The following GNG2 variants were observed in gnomAD, a reference collection of about 807,000 sequenced individuals.
GNG2 encodes the protein guanine nucleotide-binding protein G(I)/G(S)/G(O) subunit gamma-2.
A neutral mutation model predicts 5.5 loss-of-function variants in GNG2; 5 were observed. That is an observed-to-expected ratio of 0.91 (90% confidence interval 0.48 to 1.92). The LOEUF is 1.92. Ranked by LOEUF, GNG2 falls within the 30% of genes most tolerant of loss-of-function variation. GNG2 has a pLI of 0.01. For synonymous variants in GNG2, 28 were observed against 32.0 expected, an observed-to-expected ratio of 0.88 and a Z score of 0.42; for missense variants, 55 against 88.4, an observed-to-expected ratio of 0.62 and a Z score of 1.52.
intron 2 of GNG2, among the ~76,000 whole-genome samples, chr14:51,830,708 C>T (rs1165471454): frequency 1.3e-5 from 2 of 152,192 alleles, no homozygotes; most frequent in Non-Finnish European, 2.9e-5. Context: ...GACTGTGGTC[C>T]AAGCTGCCAA....
chr14:51,867,006 A>G (rs1386603631), intron 1 of GNG2, among the ~76,000 whole-genome samples: 1 of 152,204 alleles, frequency 6.6e-6, no homozygotes, highest in Non-Finnish European at 1.5e-5. Flanking sequence ...TTTCCTACAT[A>G]TTTAGTTTCT....
chr14:51,857,243 T>G (rs1243489343), upstream of GNG2, among the ~76,000 whole-genome samples: 1 of 152,120 alleles, frequency 6.6e-6, no homozygotes. Flanking sequence ...AGCTGAGTCC[T>G]AAAGGATAAG....
intron 2 of GNG2, among the ~76,000 whole-genome samples, chr14:51,947,474 C>T (rs900289083): frequency 2.6e-5 from 4 of 151,986 alleles, no homozygotes; most frequent in African/African-American, 9.7e-5. Context: ...ATGAGAAGGG[C>T]TCCACTCACC....
chr14:51,899,641 C>A (rs1221707282), intron 2 of GNG2, among the ~76,000 whole-genome samples: 1 of 152,166 alleles, frequency 6.6e-6, no homozygotes, highest in Non-Finnish European at 1.5e-5. Context: ...TAAAACCTGA[C>A]ACTCTGTTTT....
intron 2 of GNG2, among the ~76,000 whole-genome samples, chr14:51,884,418 T>C (rs1350336560): frequency 1.3e-5 from 2 of 152,192 alleles, no homozygotes; most frequent in Non-Finnish European, 1.5e-5. Flanking sequence ...CTTTATCCTT[T>C]AGATGACCCT....
chr14:51,946,924 C>G (rs1169048853), intron 2 of GNG2, among the ~76,000 whole-genome samples: 1 of 151,968 alleles, frequency 6.6e-6, no homozygotes, highest in Non-Finnish European at 1.5e-5. Flanking sequence ...TACGAGAAAT[C>G]AGCTGGATGT....
intron 2 of GNG2, among the ~76,000 whole-genome samples, chr14:51,930,437 G>A (rs768780652): frequency 2.0e-5 from 3 of 152,170 alleles, no homozygotes; most frequent in Non-Finnish European, 4.4e-5. Context: ...TTGTTTCCTA[G>A]GGTTTCTTAG....
At chr14:51,831,326 T>C (rs143579436) in intron 2 of GNG2, among the ~76,000 whole-genome samples, 15 of 152,342 alleles carry the variant, frequency 9.8e-5, no homozygotes, top group African/African-American at 3.4e-4. Context: ...CCCCCAGTAG[T>C]ATATAATCTG....
At chr14:51,868,361 G>A (rs1235680679) in intron 1 of GNG2, among the ~76,000 whole-genome samples, 3 of 152,174 alleles carry the variant, frequency 2.0e-5, no homozygotes, top group Non-Finnish European at 4.4e-5. Flanking sequence ...TCACCTCAGA[G>A]TAATTAAATC....
intron 2 of GNG2, among the ~76,000 whole-genome samples, chr14:51,897,822 G>A (rs1885298349): frequency 2.0e-5 from 3 of 152,186 alleles, no homozygotes; most frequent in Admixed American, 6.5e-5. Context: ...ACAGCTGTGT[G>A]CCCCACAATG....
At chr14:51,962,758 C>G (rs1253656) in intron 3 of GNG2, among the ~76,000 whole-genome samples, 140,929 of 152,282 alleles carry the variant, frequency 0.93, 65,708 homozygotes, top group Non-Finnish European at 0.98. Flanking sequence ...AGTAGGCATA[C>G]GAATGTAGAA....
chr14:51,863,971 A>G (rs1882696854), intron 1 of GNG2, among the ~76,000 whole-genome samples: 1 of 152,216 alleles, frequency 6.6e-6, no homozygotes, highest in Admixed American at 6.5e-5. Flanking sequence ...TACTGCTATG[A>G]ACACGGGTGT....
intron 2 of GNG2, among the ~76,000 whole-genome samples, chr14:51,904,891 ACGT>A (rs1262705168): frequency 2.0e-5 from 3 of 152,234 alleles, no homozygotes; most frequent in Non-Finnish European, 4.4e-5. Context: ...AACAGTCGCT[ACGT>A]CTGCCTGATT....
At chr14:51,846,292 A>G (rs60674340) in intron 2 of GNG2, among the ~76,000 whole-genome samples, 26,340 of 152,190 alleles carry the variant, frequency 0.17, 2,358 homozygotes, top group Non-Finnish European at 0.19. Context: ...TTTTTTTCAC[A>G]CACAAGTTCT....
chr14:51,833,094 C>A (rs1028629199), intron 2 of GNG2, among the ~76,000 whole-genome samples: 1 of 152,030 alleles, frequency 6.6e-6, no homozygotes, highest in Non-Finnish European at 1.5e-5. Context: ...GGGCCTGAAG[C>A]TTATACAATT....
intron 1 of GNG2, among the ~76,000 whole-genome samples, chr14:51,866,570 C>CTT (rs80078657): frequency 3.4e-5 from 5 of 145,866 alleles, no homozygotes; most frequent in African/African-American, 7.5e-5. Context: ...CAACAGAAAT[C>CTT]TTTTTTTTTT....
chr14:51,864,081 C>A (rs562644418), intron 1 of GNG2, among the ~76,000 whole-genome samples: 2 of 152,154 alleles, frequency 1.3e-5, no homozygotes, highest in Non-Finnish European at 2.9e-5. Flanking sequence ...GAAGAATTGC[C>A]ATACTGTTTT....
At chr14:51,909,240 C>T (rs568143171) in intron 2 of GNG2, among the ~76,000 whole-genome samples, 49 of 152,268 alleles carry the variant, frequency 3.2e-4, no homozygotes, top group African/African-American at 1.1e-3. Context: ...TGAGCTTTTT[C>T]CTTCAGCTTT....
chr14:51,955,939 C>T (rs993043068), intron 3 of GNG2, among the ~76,000 whole-genome samples: 1 of 152,162 alleles, frequency 6.6e-6, no homozygotes, highest in African/African-American at 2.4e-5. Flanking sequence ...AATTGAACTT[C>T]ATGGAACCCT....
Sources: gnomAD v4.1 joint callset for allele counts (sites outside exome capture counted in the v4.1 genomes callset) on GRCh38, gnomAD v4.1.1 for gene constraint, MANE v1.5 for transcripts, NCBI Gene and HGNC (gene_info 2026-07-23, HGNC 2026-07-21) for gene names.